The following AGBL1 variants were observed in gnomAD, a reference collection of about 807,000 sequenced individuals.
The protein encoded by AGBL1 is AGBL carboxypeptidase 1.
Under a neutral mutation model 118.9 loss-of-function variants are expected in AGBL1, and 130 were observed. That is an observed-to-expected ratio of 1.09 (90% CI 0.95 to 1.26). AGBL1 has a LOEUF of 1.26. Among genes scored for constraint, AGBL1 ranks in the 50% most tolerant of loss-of-function variants. The pLI, the probability that AGBL1 is intolerant of heterozygous loss-of-function variation, is 0.00. For missense variants in AGBL1, 1,584 were observed against 1,298.1 expected (o/e 1.22, Z -3.38); for synonymous variants, 555 against 478.9 (o/e 1.16, Z -2.08).
chr15:86,945,498 G>A (rs112317603), intron 23 of AGBL1, among the ~76,000 whole-genome samples: 3 of 151,620 alleles, frequency 2.0e-5, no homozygotes, highest in South Asian at 2.1e-4. Context: ...GTGAAACCCC[G>A]TCTCTACAAA....
At chr15:86,375,748 C>T (rs1253141337) in intron 17 of AGBL1, among the ~76,000 whole-genome samples, 1 of 152,208 alleles carries the variant, frequency 6.6e-6, no homozygotes, top group African/African-American at 2.4e-5. Flanking sequence ...GTACTTTGCA[C>T]TGCTGCTGCT....
rs79002561 is a variant in AGBL1, at chr15:87,007,244, A to G, written c.3323+19156A>G. ...CCAGGTTCTTACGCTAGCTGTATAT[A>G]TATATAACCATAATGCAGCTGAAAT... is the stretch of plus-strand genomic sequence containing the variant. On this transcript the variant is annotated intron_variant, in intron 24 of 24. Coordinates refer to the AGBL1 transcript ENST00000441037. Among the ~76,000 whole-genome samples the G allele has an allele frequency of 5.0e-3, 769 of 152,284 alleles. 10 individuals carry two copies. The highest frequency in any genetic ancestry group is 0.018 in the African/African-American group (733 of 41,548).
chr15:86,646,619 T>C (rs2085283233), intron 21 of AGBL1, among the ~76,000 whole-genome samples: 1 of 152,152 alleles, frequency 6.6e-6, no homozygotes, highest in Non-Finnish European at 1.5e-5. Flanking sequence ...ACTTGAACAA[T>C]AGTATACTCT....
At chr15:86,370,096 TC>T (rs2080949841) in intron 17 of AGBL1, among the ~76,000 whole-genome samples, 1 of 152,024 alleles carries the variant, frequency 6.6e-6, no homozygotes, top group South Asian at 2.1e-4. Context: ...CATTAAGAAA[TC>T]ACCCTAGAAT....
At chr15:86,996,941 TAA>T (rs1458349554) in intron 24 of AGBL1, among the ~76,000 whole-genome samples, 2 of 152,134 alleles carry the variant, frequency 1.3e-5, no homozygotes, top group Non-Finnish European at 2.9e-5. Flanking sequence ...AAAAATTTCT[TAA>T]GAGACCACCA....
In AGBL1 at chr15:86,522,828, C is replaced by A. The variant is rs201217861; in HGVS notation, c.2574C>A (p.Ser858Arg). 1.2e-6 allele frequency: 2 copies of A among 1,613,504 alleles called. No homozygotes were observed. The highest frequency in any genetic ancestry group is 1.7e-6 in the Non-Finnish European group (2 of 1,179,524). Residue 858 changes from serine (S) to arginine (R), a missense_variant, in exon 19 of 23, where the codon AGC becomes AGA. Ser to Arg is a moderately radical substitution (Grantham distance 110). Coordinates refer to ENST00000614907, the MANE Select transcript of AGBL1 (RefSeq NM_001386094.1). ...VINGNHRCSLSGEDLNRQWLS... is the reference protein window; with the variant it reads ...VINGNHRCSLRGEDLNRQWLS... ...CCTGTAGCCACAGATGCTCACTGAG[C>A]GGGGAAGATTTGAACAGACAATGGC...
intron 6 of AGBL1, among the ~76,000 whole-genome samples, chr15:86,239,407 G>T (rs2078606300): frequency 6.6e-6 from 1 of 152,140 alleles, no homozygotes; most frequent in Admixed American, 6.5e-5. Flanking sequence ...GATGGCATTA[G>T]GTTTCCTTAT....
At chr15:86,525,227 A>G (rs1162821851) in intron 19 of AGBL1, among the ~76,000 whole-genome samples, 4 of 152,178 alleles carry the variant, frequency 2.6e-5, no homozygotes, top group East Asian at 1.9e-4. Flanking sequence ...ACCACAAAAC[A>G]CTGATAAAAG....
At chr15:86,169,324 A>G (rs890218807) in intron 5 of AGBL1, among the ~76,000 whole-genome samples, 1 of 152,228 alleles carries the variant, frequency 6.6e-6, no homozygotes, top group Non-Finnish European at 1.5e-5. Context: ...AAGCCAAGGA[A>G]AGACCACCTG....
chr15:86,529,328 C>A (rs1336429259), intron 19 of AGBL1, among the ~76,000 whole-genome samples: 1 of 134,844 alleles, frequency 7.4e-6, no homozygotes, highest in Non-Finnish European at 1.5e-5. Flanking sequence ...CCTCAGGAGC[C>A]GATGCGATCA....
intron 23 of AGBL1, among the ~76,000 whole-genome samples, chr15:86,940,938 C>T (rs1168959520): frequency 6.6e-5 from 10 of 152,208 alleles, no homozygotes; most frequent in African/African-American, 2.4e-4. Context: ...GTCCTCTGCT[C>T]AGCTCACTGG....
At chr15:86,533,511 G>A (rs1246631680) in intron 19 of AGBL1, among the ~76,000 whole-genome samples, 1 of 104,534 alleles carries the variant, frequency 9.6e-6, no homozygotes, top group Non-Finnish European at 1.8e-5. Flanking sequence ...TACACTGTTG[G>A]TGGGACTGTA....
intron 11 of AGBL1, 147 bp downstream of exon 11, chr15:86,264,985 C>A: frequency 1.2e-6 from 1 of 805,566 alleles, no homozygotes; most frequent in Non-Finnish European, 1.8e-6. Context: ...ACTGGCCAAA[C>A]ACACAAACTT....
chr15:86,893,876 T>C (rs954431334), intron 22 of AGBL1, among the ~76,000 whole-genome samples: 5 of 152,194 alleles, frequency 3.3e-5, no homozygotes, highest in African/African-American at 1.2e-4. Context: ...TCTATGTATA[T>C]CATTTCAAGA....
intron 17 of AGBL1, among the ~76,000 whole-genome samples, chr15:86,363,767 G>C (rs144166496): frequency 6.6e-6 from 1 of 152,058 alleles, no homozygotes; most frequent in East Asian, 1.9e-4. Flanking sequence ...CTGCTCGAGA[G>C]CTCTCCTTGG....
chr15:86,431,990 C>T (rs979768316), intron 18 of AGBL1, among the ~76,000 whole-genome samples: 3 of 152,244 alleles, frequency 2.0e-5, no homozygotes, highest in East Asian at 1.9e-4. Context: ...CCCTAGAATC[C>T]AGGGACTCAC....
chr15:87,029,868 T>C (rs1038528396), downstream of AGBL1, among the ~76,000 whole-genome samples: 2 of 151,830 alleles, frequency 1.3e-5, no homozygotes, highest in Non-Finnish European at 2.9e-5. Flanking sequence ...CTAAAATGCA[T>C]AGCACTTCTG....
chr15:86,799,999 C>T (rs1403505107), intron 22 of AGBL1, among the ~76,000 whole-genome samples: 1 of 152,068 alleles, frequency 6.6e-6, no homozygotes, highest in Non-Finnish European at 1.5e-5. Flanking sequence ...CTCAAAATAG[C>T]AAGTCCCTTT....
intron 17 of AGBL1, among the ~76,000 whole-genome samples, chr15:86,323,953 G>A (rs12909814): frequency 0.055 from 8,345 of 152,234 alleles, 262 homozygotes; most frequent in Middle Eastern, 0.085. Context: ...TGTATGTTGA[G>A]CTGCTGTATA....
Sources: allele counts gnomAD v4.1 joint callset (sites outside exome capture counted in the v4.1 genomes callset), GRCh38; gene constraint gnomAD v4.1.1; transcripts MANE v1.5; gene names NCBI Gene and HGNC (gene_info 2026-07-23, HGNC 2026-07-21).